The following REPS2 variants were observed in gnomAD, a reference collection of about 807,000 sequenced individuals.
REPS2 encodes the protein RALBP1 associated Eps domain containing 2.
A neutral mutation model predicts 53.6 loss-of-function variants in REPS2; 23 were observed. That is an observed-to-expected ratio of 0.43 (90% CI 0.31 to 0.61). The LOEUF is 0.61. REPS2 is among the 20% of genes least tolerant of loss of function. REPS2 has a pLI of 0.11. For missense variants in REPS2, 446 were observed against 534.9 expected, an observed-to-expected ratio of 0.83 and a Z score of 1.64; for synonymous variants, 238 against 218.6, an observed-to-expected ratio of 1.09 and a Z score of -0.78.
At chrX:17,008,169 G>A (rs912599990) in intron 2 of REPS2, among the ~76,000 whole-genome samples, 13 of 112,336 alleles carry the variant, frequency 1.2e-4, no homozygotes, top group Non-Finnish European at 1.9e-5. Context: ...GCGGCCATTT[G>A]CTTTGATTAG....
rs2060438137 is a variant in REPS2 at position 16,946,887 on chromosome X, C to T, written c.26C>T (p.Ala9Val). 3 of 767,832 alleles carry T rather than the reference C, an allele frequency of 3.9e-6. No individual in the cohort carries two copies. The highest frequency in any genetic ancestry group is 2.4e-5 in the African/African-American group (1 of 41,738). 63.3% of individuals were successfully genotyped at this position (767,832 alleles called of 1,213,427 possible). A position where few individuals can be genotyped will look rare whatever the true frequency, so the allele number is the denominator to read the frequency against. ...ATGGAGGCGGCAGCGGCGGCGGCGG[C>T]GGCGGCAGCGGCAGCGGCAGCGGCG... MEAAAAAAAAAAAAAAAGG... is the reference protein window; with the variant it reads MEAAAAAAVAAAAAAAAGG... The change falls in exon 1 of 18, where the codon GCG (alanine) becomes GTG (valine). Residue 9 changes from alanine (A) to valine (V), a missense_variant. Ala to Val is a moderately conservative substitution (Grantham distance 64). Coordinates refer to ENST00000357277, the MANE Select transcript of REPS2 (RefSeq NM_004726.3).
intron 13 of REPS2, among the ~76,000 whole-genome samples, chrX:17,089,242 T>C (rs1344653125): frequency 4.5e-5 from 5 of 111,397 alleles, no homozygotes. Flanking sequence ...TATTAAAAGC[T>C]CTAAATATAG....
chrX:16,952,852 G>A (rs1034272673), intron 1 of REPS2, among the ~76,000 whole-genome samples: 2 of 111,562 alleles, frequency 1.8e-5, no homozygotes, highest in Admixed American at 1.9e-4. Flanking sequence ...GGGCTGGGCA[G>A]GGTGGCTCAT....
At chrX:17,004,183 C>T (rs1454384923) in intron 1 of REPS2, among the ~76,000 whole-genome samples, 2 of 110,790 alleles carry the variant, frequency 1.8e-5, no homozygotes. Context: ...GGAATCTTTT[C>T]ATTTTTTTCC....
chrX:16,978,340 T>C (rs936926732), intron 1 of REPS2, among the ~76,000 whole-genome samples: 3 of 111,979 alleles, frequency 2.7e-5, no homozygotes, highest in Non-Finnish European at 3.8e-5. Context: ...CCATCTGGCA[T>C]GAGCACAGAA....
At chrX:16,953,140 C>CACACAA (rs1345095149) in intron 1 of REPS2, among the ~76,000 whole-genome samples, 8 of 75,531 alleles carry the variant, frequency 1.1e-4, no homozygotes, top group Non-Finnish European at 2.2e-4. Flanking sequence ...CACACACACA[C>CACACAA]ACACAAACAC....
At chrX:17,058,981 A>T (rs1371257682) in intron 8 of REPS2, among the ~76,000 whole-genome samples, 1 of 104,956 alleles carries the variant, frequency 9.5e-6, no homozygotes, top group East Asian at 2.9e-4. Flanking sequence ...ATGGCATCTC[A>T]TTTAGTGTTT....
the REPS2 span, among the ~76,000 whole-genome samples, chrX:17,159,608 C>CAGAGAAGCAA: frequency 8.9e-6 from 1 of 111,764 alleles, no homozygotes; most frequent in African/African-American, 3.3e-5. Flanking sequence ...CTGTGCCTCA[C>CAGAGAAGCAA]TCCATCATCT....
At chrX:17,182,312 A>T in the REPS2 span, among the ~76,000 whole-genome samples, 1 of 111,403 alleles carries the variant, frequency 9.0e-6, no homozygotes, top group African/African-American at 3.3e-5. Flanking sequence ...AGAAGTAGAG[A>T]GAGATGCCTG....
Position 17,138,899 on chromosome X carries a change from A to C in REPS2, c.1852A>C (p.Lys618Gln), listed in dbSNP as rs1226749879. The C allele has an allele frequency of 8.3e-7, 1 of 1,206,606 alleles. No homozygotes were observed. The highest frequency in any genetic ancestry group is 3.0e-5 in the East Asian group (1 of 33,652). ...GAAGGCCATTCAAACTGCTATCCGC[A>C]AAAATAAAGAGGCAAACGCAGTGCT... Reference protein sequence around the residue: ...QKKAIQTAIRKNKEANAVLAR... With the variant: ...QKKAIQTAIRQNKEANAVLAR... Residue 618 changes from lysine (K) to glutamine (Q), a missense_variant, in exon 17 of 18, where the codon AAA (lysine) becomes CAA (glutamine). Lys to Gln is a moderately conservative substitution (Grantham distance 53). Coordinates refer to ENST00000357277, the MANE Select transcript of REPS2 (RefSeq NM_004726.3).
At chrX:17,036,457 A>G (rs1383594546) in intron 5 of REPS2, among the ~76,000 whole-genome samples, 1 of 111,843 alleles carries the variant, frequency 8.9e-6, no homozygotes, top group Non-Finnish European at 1.9e-5. Flanking sequence ...ATGAAACCAG[A>G]AGCTGGTCTG....
chrX:17,047,437 A>G lies in REPS2; in HGVS notation c.862A>G (p.Asn288Asp). The change falls in exon 6 of 18, where the codon AAT (asparagine) becomes GAT (aspartate). Residue 288 changes from asparagine to aspartate, a missense_variant. Physicochemically the swap from Asn to Asp is conservative, Grantham distance 23. Coordinates refer to ENST00000357277, the MANE Select transcript of REPS2 (RefSeq NM_004726.3). ...ITEEQREYYVNQFRSLQPDPS... is the reference protein window; with the variant it reads ...ITEEQREYYVDQFRSLQPDPS... ...AGAAGAACAGCGCGAGTACTATGTC[A>G]ATCAGTTCCGATCCCTTCAGCCAGA... 1 of 1,210,998 alleles carries G rather than the reference A, an allele frequency of 8.3e-7. No individual in the cohort carries two copies. The highest frequency in any genetic ancestry group is 1.1e-6 in the Non-Finnish European group (1 of 895,310).
At chrX:17,065,836 C>T (rs1235844027) in intron 9 of REPS2, among the ~76,000 whole-genome samples, 2 of 111,607 alleles carry the variant, frequency 1.8e-5, no homozygotes, top group African/African-American at 3.3e-5. Context: ...CCACCCACCT[C>T]GGCCTCCCAT....
At chrX:17,112,718 C>T (rs758700249) in intron 14 of REPS2, among the ~76,000 whole-genome samples, 3 of 110,617 alleles carry the variant, frequency 2.7e-5, no homozygotes, top group East Asian at 2.8e-4. Flanking sequence ...CAGTACTCGG[C>T]GGGAAAGTTT....
At chrX:17,191,804 G>A in the REPS2 span, among the ~76,000 whole-genome samples, 2 of 112,423 alleles carry the variant, frequency 1.8e-5, no homozygotes, top group African/African-American at 6.5e-5. Flanking sequence ...TTCCATTTAC[G>A]TGACACTGTG....
the REPS2 span, among the ~76,000 whole-genome samples, chrX:17,162,183 T>A: frequency 8.9e-6 from 1 of 111,949 alleles, no homozygotes; most frequent in African/African-American, 3.2e-5. Context: ...TTTGACCTAT[T>A]TTATAGTTCC....
intron 2 of REPS2, among the ~76,000 whole-genome samples, chrX:17,006,681 T>C (rs1420189098): frequency 8.9e-6 from 1 of 111,815 alleles, no homozygotes; most frequent in East Asian, 2.8e-4. Flanking sequence ...TATAATGTTA[T>C]TGAAGGCTCT....
At chrX:16,964,089 C>T (rs867146447) in intron 1 of REPS2, among the ~76,000 whole-genome samples, 94 of 104,004 alleles carry the variant, frequency 9.0e-4, no homozygotes, top group African/African-American at 3.2e-3. Flanking sequence ...GGGGATTTGG[C>T]AGGGTCACAG....
At chrX:17,042,466 C>T (rs971716248) in intron 5 of REPS2, among the ~76,000 whole-genome samples, 2 of 111,740 alleles carry the variant, frequency 1.8e-5, no homozygotes, top group South Asian at 3.7e-4. Flanking sequence ...CATGGGTCCA[C>T]GCATCTGGGT....
Sources: allele counts gnomAD v4.1 joint callset (sites outside exome capture counted in the v4.1 genomes callset), GRCh38; gene constraint gnomAD v4.1.1; transcripts MANE v1.5; gene names NCBI Gene and HGNC (gene_info 2026-07-23, HGNC 2026-07-21).